Variants in COMMD10 observed in about 807,000 individuals in gnomAD.
COMMD10 encodes the protein COMM domain containing 10.
A neutral mutation model predicts 28.9 loss-of-function variants in COMMD10; 33 were observed. The observed-to-expected ratio is 1.14, with a 90% CI of 0.87 to 1.53. COMMD10 has a LOEUF of 1.53. Among genes scored for constraint, COMMD10 ranks in the 40% most tolerant of loss-of-function variants. The probability of loss-of-function intolerance (pLI) is 0.00; values close to 1 mark genes in which losing one functional copy is unlikely to be tolerated. For missense variants in COMMD10, 310 were observed against 233.4 expected, an observed-to-expected ratio of 1.33 and a Z score of -2.14; for synonymous variants, 110 against 81.7, an observed-to-expected ratio of 1.35 and a Z score of -1.87.
chr5:116,291,598 T>G (rs1255874190), intron 6 of COMMD10, 22 bp downstream of exon 6: 1 of 1,338,998 alleles, frequency 7.5e-7, no homozygotes. Flanking sequence ...TAAAATAATT[T>G]TCTAATATGT....
chr5:116,218,282 T>G (rs1238312904), intron 5 of COMMD10: 2 of 726,612 alleles, frequency 2.8e-6, no homozygotes, highest in South Asian at 1.4e-5. Context: ...CCCTTCAGCC[T>G]TTCTCTTGGG....
rs138106491 is a variant in COMMD10 at position 116,263,557 on chromosome 5, C to A, written c.511-27960C>A. On this transcript the variant is annotated intron_variant, in intron 5 of 6. Transcript: ENST00000274458. Reference sequence around the variant, plus strand: ...CTAAGAGCCAGGCACCCTTTTAGGTCCGATAAGAAACATTTTACAGCCTGC... The same window carrying A: ...CTAAGAGCCAGGCACCCTTTTAGGTACGATAAGAAACATTTTACAGCCTGC... Among the ~76,000 whole-genome samples the A allele has an allele frequency of 3.5e-3, 524 of 151,696 alleles. 10 individuals are homozygous for A. Among genetic ancestry groups the A allele is most frequent in the African/African-American group, 0.012 (498 of 41,162 alleles).
At chr5:116,261,758 A>G (rs1362842796) in intron 5 of COMMD10, among the ~76,000 whole-genome samples, 3 of 151,498 alleles carry the variant, frequency 2.0e-5, no homozygotes, top group African/African-American at 7.3e-5. Context: ...ATCAACTTAA[A>G]CTGTTCTTTT....
At chr5:116,113,789 C>A (rs1751137871) in intron 4 of COMMD10, among the ~76,000 whole-genome samples, 1 of 151,836 alleles carries the variant, frequency 6.6e-6, no homozygotes, top group Admixed American at 6.6e-5. Flanking sequence ...GTAAGGTTTT[C>A]TTTTTGGTTC....
chr5:116,230,464 A>G (rs1229148670), intron 5 of COMMD10, among the ~76,000 whole-genome samples: 1 of 152,054 alleles, frequency 6.6e-6, no homozygotes, highest in Non-Finnish European at 1.5e-5. Flanking sequence ...CCAGGACTTC[A>G]CATAGATGCT....
intron 5 of COMMD10, among the ~76,000 whole-genome samples, chr5:116,223,838 T>G (rs574163867): frequency 6.6e-6 from 1 of 152,302 alleles, no homozygotes; most frequent in East Asian, 1.9e-4. Context: ...ATTACCTGAT[T>G]AAAATAAGGC....
At chr5:116,211,638 G>A (rs1748966271) in intron 5 of COMMD10, among the ~76,000 whole-genome samples, 1 of 152,036 alleles carries the variant, frequency 6.6e-6, no homozygotes, top group Non-Finnish European at 1.5e-5. Context: ...TAAATTTCTA[G>A]TAACGCTCAA....
At position 116,218,038 on chromosome 5, in the gene COMMD10, A is replaced by C. The variant is rs556515770; in HGVS notation, c.511-73479A>C. The C allele has an allele frequency of 1.1e-5, 12 of 1,101,396 alleles. No homozygotes were observed. In the African/African-American group the frequency reaches 1.8e-4, roughly 17 times the overall value. 68.2% of individuals were successfully genotyped at this position (1,101,396 alleles called of 1,614,324 possible). Reference sequence around the variant, plus strand: ...TGCACACACTTCTCTTGGCACCTCCAGCACCTTCAGCTTTCTGTGCCTGAT... The same window carrying C: ...TGCACACACTTCTCTTGGCACCTCCCGCACCTTCAGCTTTCTGTGCCTGAT... On this transcript the variant is annotated intron_variant, in intron 5 of 6. Transcript: ENST00000274458.
At chr5:116,137,822 G>T (rs1752074359) in intron 5 of COMMD10, among the ~76,000 whole-genome samples, 1 of 151,892 alleles carries the variant, frequency 6.6e-6, no homozygotes, top group Non-Finnish European at 1.5e-5. Context: ...ACAAAAACTA[G>T]GTGATTGTAG....
intron 5 of COMMD10, among the ~76,000 whole-genome samples, chr5:116,270,014 C>A (rs1042295524): frequency 4.1e-5 from 6 of 147,304 alleles, no homozygotes; most frequent in African/African-American, 1.5e-4. Context: ...ACTTTCAAGC[C>A]TTCTAATCTA....
chr5:116,155,963 T>G (rs1752693747), intron 5 of COMMD10, among the ~76,000 whole-genome samples: 1 of 152,102 alleles, frequency 6.6e-6, no homozygotes, highest in South Asian at 2.1e-4. Flanking sequence ...TGAGAAGTGT[T>G]AAGTTTATTA....
At chr5:116,124,642 T>C (rs1751556942) in intron 4 of COMMD10, among the ~76,000 whole-genome samples, 1 of 152,168 alleles carries the variant, frequency 6.6e-6, no homozygotes, top group African/African-American at 2.4e-5. Flanking sequence ...TTCTGTCTCA[T>C]TGATCTGTCT....
At chr5:116,282,401 A>G (rs1315495872) in intron 5 of COMMD10, among the ~76,000 whole-genome samples, 4 of 151,914 alleles carry the variant, frequency 2.6e-5, no homozygotes, top group Non-Finnish European at 4.4e-5. Context: ...GCCAGTTCTA[A>G]TTCATTTCCA....
At chr5:116,135,135 C>T (rs1454615908) in intron 5 of COMMD10, among the ~76,000 whole-genome samples, 2 of 151,948 alleles carry the variant, frequency 1.3e-5, no homozygotes, top group Non-Finnish European at 2.9e-5. Flanking sequence ...ACTTTTTCCT[C>T]CTAAGTAGAT....
intron 4 of COMMD10, among the ~76,000 whole-genome samples, chr5:116,118,630 A>G (rs1026740754): frequency 2.0e-5 from 3 of 152,074 alleles, no homozygotes; most frequent in Non-Finnish European, 4.4e-5. Context: ...TTTGTGGTTC[A>G]TTTATTTTAT....
intron 5 of COMMD10, among the ~76,000 whole-genome samples, chr5:116,225,635 T>A (rs971041667): frequency 6.6e-6 from 1 of 152,094 alleles, no homozygotes; most frequent in Non-Finnish European, 1.5e-5. Context: ...GCTCATCTTC[T>A]TTGTTGTTTC....
chr5:116,129,201 A>T (rs1223077020), intron 4 of COMMD10, among the ~76,000 whole-genome samples: 1 of 151,324 alleles, frequency 6.6e-6, no homozygotes, highest in Non-Finnish European at 1.5e-5. Flanking sequence ...ATAATGATGT[A>T]AGGAAGCCCC....
intron 4 of COMMD10, among the ~76,000 whole-genome samples, chr5:116,095,484 A>G (rs1403616490): frequency 2.1e-4 from 32 of 152,324 alleles, no homozygotes; most frequent in African/African-American, 7.7e-4. Context: ...TAATTGAGGC[A>G]TAAGCCCATT....
At chr5:116,157,558 T>A (rs1423577412) in intron 5 of COMMD10, among the ~76,000 whole-genome samples, 1 of 152,190 alleles carries the variant, frequency 6.6e-6, no homozygotes, top group Non-Finnish European at 1.5e-5. Flanking sequence ...TTTGGAGATC[T>A]GGTACAGAAC....
Sources: allele counts gnomAD v4.1 joint callset (sites outside exome capture counted in the v4.1 genomes callset), GRCh38; gene constraint gnomAD v4.1.1; transcripts MANE v1.5; gene names NCBI Gene and HGNC (gene_info 2026-07-23, HGNC 2026-07-21).